The following MOB1B variants were observed in gnomAD, a reference collection of about 807,000 sequenced individuals.
MOB1B encodes the protein MOB1 Mps One Binder homolog B.
MOB1B carries 19 observed loss-of-function variants against 24.4 expected under a neutral mutation model. The ratio of observed to expected loss-of-function variants is 0.78; its 90% CI spans 0.54 to 1.14. The LOEUF (loss-of-function observed/expected upper bound fraction) is 1.14. MOB1B is among the 50% of genes most tolerant of loss of function. The probability of loss-of-function intolerance (pLI) is 0.00; values close to 1 mark genes in which losing one functional copy is unlikely to be tolerated. For synonymous variants in MOB1B, 76 were observed against 82.1 expected, an observed-to-expected ratio of 0.93 and a Z score of 0.40; for missense variants, 243 against 259.6, an observed-to-expected ratio of 0.94 and a Z score of 0.44.
At chr4:70,969,559 T>G (rs1738671603) in intron 2 of MOB1B, among the ~76,000 whole-genome samples, 1 of 152,232 alleles carries the variant, frequency 6.6e-6, no homozygotes, top group South Asian at 2.1e-4. Flanking sequence ...CAACATCTCT[T>G]CATAGGACAT....
At chr4:70,937,460 C>G (rs1737129483) in intron 1 of MOB1B, among the ~76,000 whole-genome samples, 2 of 151,756 alleles carry the variant, frequency 1.3e-5, no homozygotes. Flanking sequence ...TTTTCTATAT[C>G]TTGGATATTA....
At chr4:70,912,340 TG>T in intron 1 of MOB1B, among the ~76,000 whole-genome samples, 1 of 151,452 alleles carries the variant, frequency 6.6e-6, no homozygotes. Flanking sequence ...AGTGCAGTGG[TG>T]CGATCTCTGC....
intron 1 of MOB1B, among the ~76,000 whole-genome samples, chr4:70,953,048 T>C (rs1265306925): frequency 2.7e-5 from 4 of 150,176 alleles, no homozygotes; most frequent in South Asian, 2.2e-4. Flanking sequence ...GATCAAGCGA[T>C]TCTCCTGCCT....
In MOB1B at chr4:70,986,348, A is replaced by G. The variant is rs1391801038; in HGVS notation, c.*4291A>G. 6.6e-6 allele frequency: 1 copy of G among 152,152 alleles called. No individual in the cohort carries two copies. The allele number at this position is 152,152 out of a possible 1,614,324, so 9.4% of individuals were successfully genotyped here. A position where few individuals can be genotyped will look rare whatever the true frequency, so the allele number is the denominator to read the frequency against. On this transcript the variant is annotated 3_prime_UTR_variant, in exon 6 of 6. Coordinates refer to ENST00000309395, the MANE Select transcript of MOB1B (RefSeq NM_173468.4). ...GAGATTTTTGTACAAAGAAATAGGA[A>G]TAAGTTTCATATACTAATTATGCTG... is the stretch of plus-strand genomic sequence containing the variant.
At chr4:70,909,893 T>C (rs1578341787) in intron 1 of MOB1B, among the ~76,000 whole-genome samples, 1 of 151,950 alleles carries the variant, frequency 6.6e-6, no homozygotes, top group Non-Finnish European at 1.5e-5. Flanking sequence ...ATTACAGGTG[T>C]CCTCCACCAT....
chr4:70,920,289 C>T (rs1736376155), intron 1 of MOB1B, among the ~76,000 whole-genome samples: 1 of 152,140 alleles, frequency 6.6e-6, no homozygotes, highest in African/African-American at 2.4e-5. Context: ...TCAACAGTCT[C>T]ACTCTCCGCT....
upstream of MOB1B, among the ~76,000 whole-genome samples, chr4:70,901,941 G>T (rs541916327): frequency 2.6e-5 from 4 of 152,216 alleles, no homozygotes; most frequent in Middle Eastern, 3.4e-3. Context: ...ACTGAGAGAT[G>T]CCATTACCTT....
At chr4:70,902,313 C>G (rs896953513), upstream of MOB1B, 1 of 599,508 alleles carries the variant, frequency 1.7e-6, no homozygotes, top group Non-Finnish European at 3.0e-6. Flanking sequence ...CTTTCCTTCC[C>G]CTCCCCTGGA....
intron 1 of MOB1B, among the ~76,000 whole-genome samples, chr4:70,938,067 T>C (rs1056137147): frequency 6.6e-6 from 1 of 152,106 alleles, no homozygotes; most frequent in Non-Finnish European, 1.5e-5. Context: ...CCAAGTTACT[T>C]TTTTCGATTT....
intron 1 of MOB1B, among the ~76,000 whole-genome samples, chr4:70,951,736 A>C (rs1737814824): frequency 6.6e-6 from 1 of 152,192 alleles, no homozygotes; most frequent in Non-Finnish European, 1.5e-5. Flanking sequence ...CATCTCTAAT[A>C]AAAATACAAA....
rs372547209 is a variant in MOB1B, at chr4:70,959,809, CTA to C, written c.181+772_181+773del. Among the ~76,000 whole-genome samples, 16 of 152,262 alleles carry C rather than the reference CTA, an allele frequency of 1.1e-4. No individual in the cohort carries two copies. In the East Asian group the frequency reaches 1.7e-3, roughly 17 times the overall value. On this transcript the variant is annotated intron_variant, in intron 2 of 5. Transcript: ENST00000309395. ...ATATACAGCTATAGAATTTCAGAGT[CTA>C]TAGAGTCAACCACTATACTAAATTG...
rs1474610841 is a variant in MOB1B at position 70,985,831 on chromosome 4, T to C, written c.*3774T>C. ...CACCACAGCCAGCCAGTATGACCTA[T>C]CTTAATCATCAGCTCAACTGTAATT... On this transcript the variant is annotated 3_prime_UTR_variant, in exon 6 of 6. Transcript: ENST00000309395. 1 of 152,192 alleles carries C rather than the reference T, an allele frequency of 6.6e-6. No individual in the cohort carries two copies. The highest frequency in any genetic ancestry group is 2.4e-5 in the African/African-American group (1 of 41,438). The allele number at this position is 152,192 out of a possible 1,614,324, so 9.4% of individuals were successfully genotyped here.
Position 70,975,290 on chromosome 4 carries a change from T to C in MOB1B, c.409+4T>C, listed in dbSNP as rs939862989. 10 of 1,609,812 alleles carry C rather than the reference T, an allele frequency of 6.2e-6. No individual in the cohort carries two copies. Among genetic ancestry groups the C allele is most frequent in the Non-Finnish European group, 8.5e-6 (10 of 1,178,772 alleles). On this transcript the variant is annotated splice_donor_region_variant and intron_variant, in intron 4 of 5. Coordinates refer to ENST00000309395, the MANE Select transcript of MOB1B (RefSeq NM_173468.4). ...ACGTTATTTCCATCAAAAATTGGTA[T>C]AATTAATTTTTGTAAGGGGGATCCA...
chr4:70,902,220 G>C (rs1490831485), upstream of MOB1B: 1 of 529,564 alleles, frequency 1.9e-6, no homozygotes, highest in Non-Finnish European at 3.4e-6. Flanking sequence ...GCCGGGGTGG[G>C]CTTGCACCGC....
At position 70,982,498 on chromosome 4, in the gene MOB1B, A is replaced by G. The variant is rs2148905987; in HGVS notation, c.*441A>G. 1 of 153,676 alleles carries G rather than the reference A, an allele frequency of 6.5e-6. No individual in the cohort carries two copies. The highest frequency in any genetic ancestry group is 2.1e-4 in the South Asian group (1 of 4,854). The allele number at this position is 153,676 out of a possible 1,614,324, so 9.5% of individuals were successfully genotyped here. On this transcript the variant is annotated 3_prime_UTR_variant, in exon 6 of 6. Transcript: ENST00000309395. ...AGATATAGAACTGAACAGGGCTTGA[A>G]ACAATATTAGGATTACTACCCAGGG...
chr4:70,930,991 C>G (rs1202448220), intron 1 of MOB1B, among the ~76,000 whole-genome samples: 1 of 114,932 alleles, frequency 8.7e-6, no homozygotes, highest in Non-Finnish European at 1.7e-5. Flanking sequence ...TTTTTTAACA[C>G]AGCTGTTTCT....
chr4:70,942,938 CCT>C (rs1737409848), intron 1 of MOB1B: 4 of 443,100 alleles, frequency 9.0e-6, no homozygotes, highest in Non-Finnish European at 9.0e-6. Context: ...GCAGTATTTC[CCT>C]TTAATGTAGC....
At chr4:70,941,365 G>A (rs960546021) in intron 1 of MOB1B, among the ~76,000 whole-genome samples, 2 of 151,876 alleles carry the variant, frequency 1.3e-5, no homozygotes, top group African/African-American at 2.4e-5. Flanking sequence ...TTTTTGAGAC[G>A]GAGTCTCGCT....
intron 4 of MOB1B, chr4:70,976,249 G>T: frequency 3.0e-6 from 3 of 984,266 alleles, no homozygotes; most frequent in Non-Finnish European, 3.6e-6. Flanking sequence ...AAACAGAATG[G>T]ATATTGAGTA....
Sources: gnomAD v4.1 joint callset for allele counts (sites outside exome capture counted in the v4.1 genomes callset) on GRCh38, gnomAD v4.1.1 for gene constraint, MANE v1.5 for transcripts, NCBI Gene and HGNC (gene_info 2026-07-23, HGNC 2026-07-21) for gene names.